The following SLC2A9 variants were observed in gnomAD, a reference collection of about 807,000 sequenced individuals.
SLC2A9 encodes solute carrier family 2, facilitated glucose transporter member 9.
SLC2A9 carries 39 observed loss-of-function variants against 50.6 expected under a neutral mutation model. The ratio of observed to expected loss-of-function variants is 0.77; its 90% CI spans 0.60 to 1.01. SLC2A9 has a LOEUF of 1.01. SLC2A9 is among the 50% of genes least tolerant of loss of function. The probability of loss-of-function intolerance (pLI) is 0.00; values close to 1 mark genes in which losing one functional copy is unlikely to be tolerated. For missense variants in SLC2A9, 686 were observed against 677.6 expected (o/e 1.01, Z -0.14); for synonymous variants, 324 against 276.9 (o/e 1.17, Z -1.69).
At chr4:9,880,154 C>A in intron 10 of SLC2A9, 1 of 985,434 alleles carries the variant, frequency 1.0e-6, no homozygotes, top group Non-Finnish European at 1.2e-6. Context: ...TAGGAAGATG[C>A]AAGATGGTCT....
intron 8 of SLC2A9, among the ~76,000 whole-genome samples, chr4:9,905,983 T>C (rs1740591910): frequency 1.3e-5 from 2 of 152,240 alleles, no homozygotes; most frequent in Admixed American, 1.3e-4. Flanking sequence ...TGTAAAATCC[T>C]GCTCTCCACA....
chr4:9,899,612 A>G (rs534018059), intron 8 of SLC2A9, among the ~76,000 whole-genome samples: 8 of 152,322 alleles, frequency 5.3e-5, no homozygotes, highest in African/African-American at 1.9e-4. Context: ...AATTCAATGA[A>G]ACAAACTTTT....
At chr4:9,899,293 T>C (rs1191512039) in intron 8 of SLC2A9, among the ~76,000 whole-genome samples, 1 of 152,234 alleles carries the variant, frequency 6.6e-6, no homozygotes. Flanking sequence ...TGCAAAAGGA[T>C]GGGAGAAAGG....
At position 9,996,932 on chromosome 4, in the gene SLC2A9, C is replaced by T. The variant is rs768379029; in HGVS notation, c.259G>A (p.Ala87Thr). ...CTTTCCCATGACTCATTGTAAAAGGCCTTGATGTACTGAAAATAAACAACA... is the reference window on the plus strand; with the variant it reads ...CTTTCCCATGACTCATTGTAAAAGGTCTTGATGTACTGAAAATAAACAACA... ...VVNAPTPYIK[A>T]FYNESWERRH... is the part of the protein sequence containing the mutation. The change falls in exon 3 of 12, where the codon GCC (alanine) becomes ACC (threonine). Residue 87 changes from alanine to threonine, a missense_variant. Ala to Thr is a moderately conservative substitution (Grantham distance 58). Transcript: ENST00000264784. The T allele has an allele frequency of 3.1e-6, 5 of 1,613,866 alleles. No homozygotes were observed. In the Admixed American group the frequency reaches 6.7e-5, roughly 22 times the overall value.
At chr4:9,824,962 T>C (rs1560154963), downstream of SLC2A9, among the ~76,000 whole-genome samples, 1 of 152,198 alleles carries the variant, frequency 6.6e-6, no homozygotes, top group Non-Finnish European at 1.5e-5. Context: ...GGCCCAGTGA[T>C]GAAAGAATAC....
chr4:9,830,864 G>T (rs1188128383), intron 11 of SLC2A9, among the ~76,000 whole-genome samples: 1 of 152,186 alleles, frequency 6.6e-6, no homozygotes, highest in Non-Finnish European at 1.5e-5. Context: ...AGCATGAAGG[G>T]ATGTGGGCTC....
intron 1 of SLC2A9, among the ~76,000 whole-genome samples, chr4:9,773,183 GC>G (rs1418449368): frequency 6.6e-6 from 1 of 152,206 alleles, no homozygotes; most frequent in Admixed American, 6.5e-5. Context: ...AGGCTCTAGG[GC>G]CACCATCAGG....
intron 11 of SLC2A9, among the ~76,000 whole-genome samples, chr4:9,833,574 G>A (rs921497091): frequency 6.6e-6 from 1 of 152,194 alleles, no homozygotes; most frequent in Non-Finnish European, 1.5e-5. Flanking sequence ...GCGGCACAGA[G>A]CAACTGCTCC....
chr4:9,925,548 C>A (rs1744742970), intron 6 of SLC2A9, among the ~76,000 whole-genome samples: 1 of 152,190 alleles, frequency 6.6e-6, no homozygotes, highest in South Asian at 2.1e-4. Context: ...CCGCCCCATG[C>A]TTGTTCTTCC....
At chr4:9,782,631 C>A (rs1718618947) in intron 3 of SLC2A9, 2 of 1,613,888 alleles carry the variant, frequency 1.2e-6, no homozygotes, top group Admixed American at 1.7e-5. Flanking sequence ...GCCAACTGGA[C>A]GCCCTGGGAG....
At chr4:10,007,063 T>C (rs1006166342) in intron 2 of SLC2A9, among the ~76,000 whole-genome samples, 5 of 152,212 alleles carry the variant, frequency 3.3e-5, no homozygotes, top group Non-Finnish European at 5.9e-5. Flanking sequence ...CTGCACCTTT[T>C]TCCTTTGCTG....
At chr4:9,855,662 C>T (rs943389323) in intron 10 of SLC2A9, among the ~76,000 whole-genome samples, 1 of 152,006 alleles carries the variant, frequency 6.6e-6, no homozygotes, top group Non-Finnish European at 1.5e-5. Context: ...AGCCCAGATC[C>T]TAAGCAAAAA....
chr4:9,999,341 C>A (rs571420220), intron 2 of SLC2A9, among the ~76,000 whole-genome samples: 2 of 152,092 alleles, frequency 1.3e-5, no homozygotes, highest in Non-Finnish European at 1.5e-5. Flanking sequence ...TATTCTTAAC[C>A]TGGATTGTGA....
chr4:9,836,728 C>T (rs952450499), intron 10 of SLC2A9, among the ~76,000 whole-genome samples: 1 of 152,220 alleles, frequency 6.6e-6, no homozygotes, highest in African/African-American at 2.4e-5. Flanking sequence ...TTGCATTTCA[C>T]AGAGGTCACT....
chr4:9,997,545 C>G (rs942736301), intron 2 of SLC2A9, among the ~76,000 whole-genome samples: 1 of 152,038 alleles, frequency 6.6e-6, no homozygotes, highest in Non-Finnish European at 1.5e-5. Context: ...ACTAAAAATA[C>G]AAAAATTTGC....
At chr4:9,921,186 A>C (rs1743887126) in intron 6 of SLC2A9, among the ~76,000 whole-genome samples, 1 of 152,130 alleles carries the variant, frequency 6.6e-6, no homozygotes, top group Non-Finnish European at 1.5e-5. Flanking sequence ...ATACAAGAAA[A>C]CTTGAGTGGA....
intron 6 of SLC2A9, among the ~76,000 whole-genome samples, chr4:9,934,272 C>A (rs896621956): frequency 1.3e-5 from 2 of 152,196 alleles, no homozygotes; most frequent in East Asian, 3.9e-4. Flanking sequence ...TACCACTCCA[C>A]CTGGGTAAGC....
chr4:9,960,277 A>C (rs2093974052), intron 5 of SLC2A9, among the ~76,000 whole-genome samples: 1 of 152,238 alleles, frequency 6.6e-6, no homozygotes, highest in African/African-American at 2.4e-5. Context: ...CTAAAGATGC[A>C]AAATAGGCCT....
At chr4:9,900,431 A>G (rs1401477244) in intron 8 of SLC2A9, among the ~76,000 whole-genome samples, 1 of 152,184 alleles carries the variant, frequency 6.6e-6, no homozygotes, top group African/African-American at 2.4e-5. Flanking sequence ...GCCAAACTCA[A>G]AAATAGAGCT....
Sources: gnomAD v4.1 joint callset for allele counts (sites outside exome capture counted in the v4.1 genomes callset) on GRCh38, gnomAD v4.1.1 for gene constraint, MANE v1.5 for transcripts, NCBI Gene and HGNC (gene_info 2026-07-23, HGNC 2026-07-21) for gene names.